Variants in ASTN2 observed in about 807,000 individuals in gnomAD.
The protein encoded by ASTN2 is astrotactin-2.
In ASTN2, 54 loss-of-function variants were observed where a neutral mutation model predicts 139.8. The observed-to-expected ratio is 0.39, with a 90% CI of 0.31 to 0.48. The LOEUF is 0.48. Among genes scored for constraint, ASTN2 ranks in the 20% least tolerant of loss-of-function variants. The probability of loss-of-function intolerance (pLI) is 0.95; values close to 1 mark genes in which losing one functional copy is unlikely to be tolerated. For synonymous variants in ASTN2, 756 were observed against 719.5 expected (o/e 1.05, Z -0.81); for missense variants, 1,565 against 1,725.1 (o/e 0.91, Z 1.64).
rs1189841766 is a variant in ASTN2, at chr9:117,414,710, G to T, written c.229C>A (p.Arg77=). ...CCGCTCCAGCCGATGTCGCTCTCCCGCAGGGCGGGCAGTGTGGACACCGTG... is the reference window on the plus strand; with the variant it reads ...CCGCTCCAGCCGATGTCGCTCTCCCTCAGGGCGGGCAGTGTGGACACCGTG... ...TVTVSTLPAL[R]ESDIGWSGAR... Residue 77 remains arginine (R), a synonymous_variant, in exon 1 of 23, where the codon CGG becomes AGG. Coordinates refer to ENST00000313400, the MANE Select transcript of ASTN2 (RefSeq NM_001365068.1). The surrounding 1 kb of genome is among the most constrained non-coding windows in gnomAD (Gnocchi z 4.2). The T allele has an allele frequency of 9.5e-6, 12 of 1,258,428 alleles. No individual in the cohort carries two copies. The highest frequency in any genetic ancestry group is 3.2e-5 in the African/African-American group (2 of 63,010). 78.0% of individuals were successfully genotyped at this position (1,258,428 alleles called of 1,614,324 possible).
intron 10 of ASTN2, among the ~76,000 whole-genome samples, chr9:116,902,789 A>G (rs1020637186): frequency 4.6e-5 from 7 of 152,170 alleles, no homozygotes; most frequent in African/African-American, 1.7e-4. Flanking sequence ...TCCTTTTGAA[A>G]CTTAGGGTAG....
chr9:116,518,726 A>G lies in ASTN2; in HGVS notation c.3356-31226T>C, dbSNP rs556608419. Among the ~76,000 whole-genome samples, 4 of 152,288 alleles carry G rather than the reference A, an allele frequency of 2.6e-5. No homozygotes were observed. In the East Asian group the frequency reaches 7.7e-4, roughly 29 times the overall value. ...CTCCACTTAAAAGATACAGAATGGC[A>G]AAATGGATAAGAATTCACCAACTGA... is the stretch of plus-strand genomic sequence containing the variant. On this transcript the variant is annotated intron_variant, in intron 19 of 22. Transcript: ENST00000313400.
At position 116,737,175 on chromosome 9, in the gene ASTN2, A is replaced by C. The variant is rs184187017; in HGVS notation, c.2397-3652T>G. On this transcript the variant is annotated intron_variant, in intron 13 of 22. Transcript: ENST00000313400. ...CCAGCGACGGCATGGTCTCTCGGGT[A>C]CTGGGTCCCTTTGCGACCGCCTGGG... Among the ~76,000 whole-genome samples the C allele has an allele frequency of 1.6e-3, 243 of 152,338 alleles. 5 individuals are homozygous for C. The highest frequency in any genetic ancestry group is 8.8e-5 in the Non-Finnish European group (6 of 68,018).
chr9:116,638,827 C>G (rs553287463), intron 17 of ASTN2, among the ~76,000 whole-genome samples: 27 of 152,220 alleles, frequency 1.8e-4, no homozygotes, highest in African/African-American at 5.8e-4. Flanking sequence ...ATAAGACAAT[C>G]CAGTAAACAT....
chr9:116,676,410 T>A (rs532790599), intron 16 of ASTN2, among the ~76,000 whole-genome samples: 15 of 152,314 alleles, frequency 9.8e-5, no homozygotes, highest in African/African-American at 3.4e-4. Flanking sequence ...CAGGATAGAA[T>A]GTGGATTTAG....
At chr9:117,090,431 C>A (rs1165927383) in intron 5 of ASTN2, among the ~76,000 whole-genome samples, 1 of 152,136 alleles carries the variant, frequency 6.6e-6, no homozygotes, top group East Asian at 1.9e-4. Context: ...CTGGAAATAC[C>A]AGACACCCCT....
chr9:116,712,635 G>A (rs994945618), intron 16 of ASTN2, among the ~76,000 whole-genome samples: 1 of 152,120 alleles, frequency 6.6e-6, no homozygotes, highest in Admixed American at 6.6e-5. Context: ...ATAGAAAGTG[G>A]GGTATGGTTG....
intron 22 of ASTN2, among the ~76,000 whole-genome samples, chr9:116,427,750 G>T (rs1480975975): frequency 6.6e-6 from 1 of 152,210 alleles, no homozygotes; most frequent in Non-Finnish European, 1.5e-5. Flanking sequence ...TTCACCACTT[G>T]GGTGGAATAT....
At chr9:116,524,766 T>C (rs1851020378) in intron 19 of ASTN2, among the ~76,000 whole-genome samples, 1 of 152,204 alleles carries the variant, frequency 6.6e-6, no homozygotes. Flanking sequence ...AAAGTTGGCA[T>C]TCCTTCTCAG....
At chr9:116,840,652 C>T (rs1485691859) in intron 11 of ASTN2, among the ~76,000 whole-genome samples, 4 of 88,996 alleles carry the variant, frequency 4.5e-5, no homozygotes, top group Non-Finnish European at 8.4e-5. Context: ...GGGCTCCTCA[C>T]TTCTCAGACG....
chr9:117,276,449 C>A (rs1236823902), intron 2 of ASTN2, among the ~76,000 whole-genome samples: 42 of 152,318 alleles, frequency 2.8e-4, no homozygotes, highest in East Asian at 3.9e-4. Flanking sequence ...CTCATCTCCC[C>A]CCAGACAGCC....
At chr9:117,274,183 T>C (rs1162261687) in intron 2 of ASTN2, among the ~76,000 whole-genome samples, 1 of 152,072 alleles carries the variant, frequency 6.6e-6, no homozygotes, top group East Asian at 1.9e-4. Flanking sequence ...ACCCCGTCTC[T>C]ACTAAAAATA....
chr9:117,307,596 C>T (rs1269771540), intron 1 of ASTN2, among the ~76,000 whole-genome samples: 1 of 152,204 alleles, frequency 6.6e-6, no homozygotes, highest in Non-Finnish European at 1.5e-5. Flanking sequence ...GTACATCATG[C>T]ATGCTCCATT....
chr9:117,116,169 C>T (rs557208136), intron 4 of ASTN2, among the ~76,000 whole-genome samples: 1 of 152,004 alleles, frequency 6.6e-6, no homozygotes, highest in African/African-American at 2.4e-5. Context: ...GAACACATGG[C>T]AGGGCCTCAC....
chr9:117,396,824 C>T (rs1006946800), intron 1 of ASTN2, among the ~76,000 whole-genome samples: 1 of 152,068 alleles, frequency 6.6e-6, no homozygotes, highest in Non-Finnish European at 1.5e-5. Context: ...TCTTGGTCTC[C>T]CAAAGTGCTG....
At chr9:116,764,366 C>T (rs1043421756) in intron 13 of ASTN2, among the ~76,000 whole-genome samples, 2 of 152,174 alleles carry the variant, frequency 1.3e-5, no homozygotes, top group African/African-American at 4.8e-5. Flanking sequence ...TGAAGGGCCT[C>T]TTTAGTCCTG....
At chr9:117,043,919 A>AG (rs1554772528) in intron 5 of ASTN2, among the ~76,000 whole-genome samples, 11 of 147,602 alleles carry the variant, frequency 7.5e-5, no homozygotes, top group African/African-American at 1.3e-4. Flanking sequence ...AAAAAAAAAA[A>AG]AAAAGAAAAG....
intron 3 of ASTN2, among the ~76,000 whole-genome samples, chr9:117,160,641 A>G (rs1830529366): frequency 6.6e-6 from 1 of 151,970 alleles, no homozygotes; most frequent in Non-Finnish European, 1.5e-5. Context: ...GAATATAATG[A>G]CTTTCTATTT....
chr9:116,827,147 T>C (rs1403873972), intron 11 of ASTN2, among the ~76,000 whole-genome samples: 1 of 151,434 alleles, frequency 6.6e-6, no homozygotes, highest in Non-Finnish European at 1.5e-5. Context: ...CCGTCTCTAT[T>C]AAAAATACAA....
Sources: gnomAD v4.1 joint callset for allele counts (sites outside exome capture counted in the v4.1 genomes callset) on GRCh38, gnomAD v4.1.1 for gene constraint, Gnocchi (gnomAD v3.1) non-coding constraint, MANE v1.5 for transcripts, NCBI Gene and HGNC (gene_info 2026-07-23, HGNC 2026-07-21) for gene names.